IQGAP2: variants seen among roughly 807,000 people sequenced by gnomAD.
The protein encoded by IQGAP2 is ras GTPase-activating-like protein IQGAP2.
In IQGAP2, 173 loss-of-function variants were observed where a neutral mutation model predicts 201.3. That is an observed-to-expected ratio of 0.86 (90% CI 0.76 to 0.98). IQGAP2 has a LOEUF of 0.98. IQGAP2 is among the 50% of genes least tolerant of loss of function. IQGAP2 has a pLI of 0.00. For synonymous variants in IQGAP2, 675 were observed against 673.9 expected (o/e 1.00, Z -0.03); for missense variants, 1,687 against 1,864.8 (o/e 0.90, Z 1.76).
At chr5:76,508,690 G>A (rs1405908719) in intron 2 of IQGAP2, among the ~76,000 whole-genome samples, 1 of 148,542 alleles carries the variant, frequency 6.7e-6, no homozygotes, top group African/African-American at 2.5e-5. Context: ...TTTTTTTTTT[G>A]TTTTGTTTTG....
intron 35 of IQGAP2, 83 bp from the exon 36 acceptor site, chr5:76,707,115 CTT>C: frequency 1.3e-6 from 1 of 742,838 alleles, no homozygotes; most frequent in Non-Finnish European, 2.4e-6. Context: ...TTGAATCTGA[CTT>C]TTGTCAACAA....
intron 1 of IQGAP2, among the ~76,000 whole-genome samples, chr5:76,452,199 G>C (rs1046035695): frequency 6.8e-6 from 1 of 147,102 alleles, no homozygotes; most frequent in Non-Finnish European, 1.5e-5. Flanking sequence ...ATAGGCGTGA[G>C]CCACCACGCC....
chr5:76,665,036 C>T lies in IQGAP2; in HGVS notation c.2540C>T (p.Ser847Leu), dbSNP rs1474267056. 7 of 1,548,002 alleles carry T rather than the reference C, an allele frequency of 4.5e-6. 1 individual carries two copies. In the South Asian group the frequency reaches 6.8e-5, roughly 15 times the overall value. ...KNRITLEDVI[S>L]HSKKLNKKKG... ...TCAAATTTTTTACAGGATGTAATTTCACATAGTAAAAAGCTGAACAAGAAA... is the reference window on the plus strand; with the variant it reads ...TCAAATTTTTTACAGGATGTAATTTTACATAGTAAAAAGCTGAACAAGAAA... The change falls in exon 22 of 36, where the codon TCA becomes TTA. Residue 847 changes from serine to leucine, a missense_variant. By Grantham distance (145) the Ser-to-Leu change is moderately radical. Transcript: ENST00000274364.
intron 35 of IQGAP2, among the ~76,000 whole-genome samples, chr5:76,704,009 G>A (rs1378119209): frequency 6.6e-6 from 1 of 152,200 alleles, no homozygotes; most frequent in Non-Finnish European, 1.5e-5. Flanking sequence ...AACGGGAGCT[G>A]AATGGGTTTG....
intron 2 of IQGAP2, among the ~76,000 whole-genome samples, chr5:76,539,177 A>C (rs1759790135): frequency 6.6e-6 from 1 of 151,910 alleles, no homozygotes. Context: ...TGACCTCAAC[A>C]CTCCTTCAAA....
rs11424254 is a variant in IQGAP2 at position 76,689,230 on chromosome 5, T to TAAAAAAAAAAAAA, written c.3906-4111_3906-4099dup. Among the ~76,000 whole-genome samples, 28 of 86,488 alleles carry TAAAAAAAAAAAAA rather than the reference T, an allele frequency of 3.2e-4. 5 individuals carry two copies. The highest frequency in any genetic ancestry group is 1.1e-3 in the African/African-American group (24 of 21,136). The allele number at this position is 86,488 out of a possible 152,430, so 56.7% of individuals were successfully genotyped here. A position where few individuals can be genotyped will look rare whatever the true frequency, so the allele number is the denominator to read the frequency against. Reference sequence around the variant, plus strand: ...TAATACTACCAAGCACAGGGATATTTAAAAAAAAAAAAAAAAAAAAAAAAA... The same window carrying TAAAAAAAAAAAAA: ...TAATACTACCAAGCACAGGGATATTTAAAAAAAAAAAAAAAAAAAAAAAAAAAAAAAAAAAAAA... On this transcript the variant is annotated intron_variant, in intron 30 of 35. Coordinates refer to ENST00000274364, the MANE Select transcript of IQGAP2 (RefSeq NM_006633.5).
intron 5 of IQGAP2, among the ~76,000 whole-genome samples, chr5:76,580,364 C>T (rs1391507090): frequency 1.3e-5 from 2 of 151,902 alleles, no homozygotes; most frequent in African/African-American, 4.8e-5. Context: ...ACCCAGGAGG[C>T]GGAGATCACA....
At chr5:76,525,970 A>G (rs1758950238) in intron 2 of IQGAP2, among the ~76,000 whole-genome samples, 1 of 152,240 alleles carries the variant, frequency 6.6e-6, no homozygotes, top group African/African-American at 2.4e-5. Context: ...TACATTCATA[A>G]TTGAAGGAAA....
chr5:76,476,139 G>A (rs138002727), intron 2 of IQGAP2, among the ~76,000 whole-genome samples: 4 of 152,146 alleles, frequency 2.6e-5, no homozygotes, highest in East Asian at 3.9e-4. Flanking sequence ...TAGTGATAAC[G>A]TGCAAGGTGT....
intron 1 of IQGAP2, among the ~76,000 whole-genome samples, chr5:76,420,884 A>G (rs549396726): frequency 6.6e-5 from 10 of 152,338 alleles, no homozygotes; most frequent in African/African-American, 2.2e-4. Context: ...GGGTTCAACC[A>G]TGTCATAGCA....
intron 21 of IQGAP2, among the ~76,000 whole-genome samples, chr5:76,659,525 A>C (rs1173864479): frequency 1.3e-5 from 2 of 152,120 alleles, no homozygotes; most frequent in Non-Finnish European, 2.9e-5. Flanking sequence ...CCCAATTTAC[A>C]TAGCAGTTGC....
At chr5:76,702,691 A>AGAAAACCATTGCCAGCCTTATTTGCC in intron 35 of IQGAP2, 101 bp downstream of exon 35, 1 of 603,514 alleles carries the variant, frequency 1.7e-6, no homozygotes. Context: ...AAAGTTTAAC[A>AGAAAACCATTGCCAGCCTTATTTGCC]GAAAACCAGT....
chr5:76,405,689 G>A (rs1418618949), intron 1 of IQGAP2, among the ~76,000 whole-genome samples: 3 of 152,154 alleles, frequency 2.0e-5, no homozygotes, highest in African/African-American at 7.2e-5. Context: ...GCTATTTGGT[G>A]TGTTAGTGTA....
chr5:76,585,871 G>A (rs935201111), intron 5 of IQGAP2, among the ~76,000 whole-genome samples: 2 of 152,062 alleles, frequency 1.3e-5, no homozygotes, highest in Non-Finnish European at 2.9e-5. Context: ...AAATTCTTTT[G>A]CAGTTTATCT....
In IQGAP2 at chr5:76,658,357, A is replaced by G. The variant is rs966308290; in HGVS notation, c.2321-102A>G. On this transcript the variant is annotated intron_variant, in intron 20 of 35. Coordinates refer to ENST00000274364, the MANE Select transcript of IQGAP2 (RefSeq NM_006633.5). ...TTCTCACCCTAGACCAAGTACTTTC[A>G]TTGGTATATTTTTCTAGTAATTATT... The G allele has an allele frequency of 2.5e-5, 24 of 954,972 alleles. No homozygotes were observed. In the African/African-American group the frequency reaches 3.9e-4, roughly 16 times the overall value. 59.2% of individuals were successfully genotyped at this position (954,972 alleles called of 1,614,324 possible). A position where few individuals can be genotyped will look rare whatever the true frequency, so the allele number is the denominator to read the frequency against.
intron 1 of IQGAP2, among the ~76,000 whole-genome samples, chr5:76,425,700 C>G (rs1751956976): frequency 6.6e-6 from 1 of 152,122 alleles, no homozygotes; most frequent in Admixed American, 6.5e-5. Context: ...ATGAAGTTCT[C>G]ATCTGCTCGG....
chr5:76,678,618 T>C (rs1277491064), intron 28 of IQGAP2, among the ~76,000 whole-genome samples: 4 of 152,132 alleles, frequency 2.6e-5, no homozygotes, highest in Non-Finnish European at 5.9e-5. Context: ...AGAACCTGCA[T>C]TGTAACAAGA....
At chr5:76,661,128 G>A (rs185059900) in intron 21 of IQGAP2, among the ~76,000 whole-genome samples, 29 of 152,128 alleles carry the variant, frequency 1.9e-4, no homozygotes, top group African/African-American at 6.8e-4. Flanking sequence ...TTAACAATGA[G>A]TGTGTGTTTA....
At chr5:76,618,629 A>G (rs1047699084) in intron 13 of IQGAP2, 6 of 1,610,908 alleles carry the variant, frequency 3.7e-6, no homozygotes, top group African/African-American at 2.7e-5. Flanking sequence ...AGTTGTTTGT[A>G]TCATTTTCCA....
Sources: gnomAD v4.1 joint callset for allele counts (sites outside exome capture counted in the v4.1 genomes callset) on GRCh38, gnomAD v4.1.1 for gene constraint, MANE v1.5 for transcripts, NCBI Gene and HGNC (gene_info 2026-07-23, HGNC 2026-07-21) for gene names.